SCNN1G: variants seen among roughly 807,000 people sequenced by gnomAD.
SCNN1G encodes epithelial sodium channel subunit gamma.
Under a neutral mutation model 64.6 loss-of-function variants are expected in SCNN1G, and 27 were observed. That is an observed-to-expected ratio of 0.42 (90% CI 0.31 to 0.58). The LOEUF is 0.58. Among genes scored for constraint, SCNN1G ranks in the 20% least tolerant of loss-of-function variants. SCNN1G has a pLI of 0.18. For synonymous variants in SCNN1G, 330 were observed against 314.2 expected, an observed-to-expected ratio of 1.05 and a Z score of -0.53; for missense variants, 743 against 823.4, an observed-to-expected ratio of 0.90 and a Z score of 1.19.
intron 6 of SCNN1G, among the ~76,000 whole-genome samples, chr16:23,204,312 T>G (rs1214995851): frequency 3.8e-5 from 3 of 79,896 alleles, no homozygotes; most frequent in Non-Finnish European, 5.1e-5. Flanking sequence ...TATATATATA[T>G]ATATATATAT....
intron 1 of SCNN1G, among the ~76,000 whole-genome samples, chr16:23,185,658 C>T (rs1225067405): frequency 6.6e-6 from 1 of 152,144 alleles, no homozygotes; most frequent in Non-Finnish European, 1.5e-5. Flanking sequence ...TATAATAAAG[C>T]CTCAGAGAAA....
chr16:23,214,732 T>A lies in SCNN1G; in HGVS notation c.1514T>A (p.Leu505Ter). Residue 505 changes from leucine to a stop codon, truncating the protein, a stop_gained, in exon 12 of 13, where the codon TTG (leucine) becomes TAG (stop). Transcript: ENST00000300061. LOFTEE classifies it high-confidence loss of function. Reference sequence around the variant, plus strand: ...TGCAGGACAGACTTGGCCAAACTCTTGATATTCTACAAAGACCTGAACCAG... The same window carrying A: ...TGCAGGACAGACTTGGCCAAACTCTAGATATTCTACAAAGACCTGAACCAG... The part of the protein sequence containing the change: ...KLNKTDLAKL[L>*]IFYKDLNQRS... 6.2e-7 allele frequency: 1 copy of A among 1,613,820 alleles called. No homozygotes were observed. Among genetic ancestry groups the A allele is most frequent in the Non-Finnish European group, 8.5e-7 (1 of 1,179,718 alleles).
intron 1 of SCNN1G, among the ~76,000 whole-genome samples, chr16:23,184,795 T>C (rs1424960750): frequency 1.3e-5 from 2 of 152,200 alleles, no homozygotes; most frequent in Non-Finnish European, 2.9e-5. Context: ...CTAAAAATCT[T>C]GATGGGGCAC....
chr16:23,207,412 T>C (rs557625626), intron 6 of SCNN1G, among the ~76,000 whole-genome samples: 47 of 152,366 alleles, frequency 3.1e-4, no homozygotes, highest in African/African-American at 9.6e-4. Context: ...GCTTAGAGGA[T>C]GGCAAGGAAT....
At chr16:23,183,637 C>A (rs887008534) in intron 1 of SCNN1G, among the ~76,000 whole-genome samples, 1 of 152,146 alleles carries the variant, frequency 6.6e-6, no homozygotes, top group Non-Finnish European at 1.5e-5. Context: ...GGCAAATTAC[C>A]TAACCTCTGT....
In SCNN1G at chr16:23,186,488, C is replaced by T; in HGVS notation, c.217C>T (p.Leu73Phe). 2 of 1,614,148 alleles carry T rather than the reference C, an allele frequency of 1.2e-6. No homozygotes were observed. Among genetic ancestry groups the T allele is most frequent in the South Asian group, 2.2e-5 (2 of 91,084 alleles). ...GGCCCTCATCCTCTGGCAGTGCGCC[C>T]TCCTCGTCTTCTCCTTCTATACTGT... ...AVALILWQCA[L>F]LVFSFYTVSV... The change falls in exon 2 of 13, where the codon CTC becomes TTC. Residue 73 changes from leucine (L) to phenylalanine (F), a missense_variant. Physicochemically the swap from Leu to Phe is conservative, Grantham distance 22 (BLOSUM62 0). Transcript: ENST00000300061.
chr16:23,199,294 T>C (rs1213588227), intron 6 of SCNN1G, among the ~76,000 whole-genome samples: 1 of 152,220 alleles, frequency 6.6e-6, no homozygotes, highest in Admixed American at 6.5e-5. Context: ...TCAAAACATA[T>C]AGATCTGCAT....
At position 23,215,535 on chromosome 16, in the gene SCNN1G, C is replaced by T; in HGVS notation, c.*66C>T. 6.3e-7 allele frequency: 1 copy of T among 1,576,456 alleles called. No individual in the cohort carries two copies. The highest frequency in any genetic ancestry group is 8.6e-7 in the Non-Finnish European group (1 of 1,158,890). On this transcript the variant is annotated 3_prime_UTR_variant, in exon 13 of 13. Transcript: ENST00000300061. The stretch of plus-strand genomic sequence containing the variant: ...ATGGTCTAAGGACATGGATCGGGTG[C>T]CCCCAGACGTGTGCACAGGGGACCC...
At chr16:23,197,544 C>A in intron 6 of SCNN1G, 117 bp downstream of exon 6, 2 of 878,498 alleles carry the variant, frequency 2.3e-6, no homozygotes, top group Non-Finnish European at 3.7e-6. Flanking sequence ...GGAACATGGT[C>A]CCAGATTTTC....
intron 11 of SCNN1G, 50 bp downstream of exon 11, chr16:23,213,213 G>C (rs751888910): frequency 7.8e-7 from 1 of 1,280,950 alleles, no homozygotes; most frequent in Non-Finnish European, 1.1e-6. Context: ...ACAGCCCCCA[G>C]CCTTCTCACT....
rs1036414531 is a variant in SCNN1G at position 23,186,438 on chromosome 16, G to C, written c.167G>C (p.Trp56Ser). Reference sequence around the variant, plus strand: ...CGCGGCCGTCTGCGCCGCCTCCTCTGGATCGGGTTCACACTGACTGCCGTG... The same window carrying C: ...CGCGGCCGTCTGCGCCGCCTCCTCTCGATCGGGTTCACACTGACTGCCGTG... ...VSRGRLRRLL[W>S]IGFTLTAVAL... Residue 56 changes from tryptophan to serine, a missense_variant, in exon 2 of 13, where the codon TGG (tryptophan) becomes TCG (serine). Trp to Ser is a radical substitution (Grantham distance 177). Transcript: ENST00000300061. 6.2e-7 allele frequency: 1 copy of C among 1,614,090 alleles called. No homozygotes were observed. The highest frequency in any genetic ancestry group is 8.5e-7 in the Non-Finnish European group (1 of 1,180,060).
intron 6 of SCNN1G, among the ~76,000 whole-genome samples, chr16:23,201,505 A>G (rs2141937428): frequency 6.8e-6 from 1 of 146,128 alleles, no homozygotes; most frequent in Admixed American, 7.2e-5. Flanking sequence ...TCTAGGTCTG[A>G]TTTATGAGCA....
chr16:23,211,888 T>C (rs2141944564), intron 7 of SCNN1G, 146 bp from the exon 8 acceptor site: 6 of 741,364 alleles, frequency 8.1e-6, no homozygotes, highest in East Asian at 5.0e-5. Context: ...TCCGGGACCA[T>C]GCCCAGCCCA....
chr16:23,212,658 C>T lies in SCNN1G; in HGVS notation c.1295-20C>T, dbSNP rs1197761825. On this transcript the variant is annotated intron_variant, in intron 8 of 12. Transcript: ENST00000300061. ...TCCTGTGGCTCCAAAGCTCATGCTG[C>T]CCTCTCCCTTGTCCCTCAGTGTATT... 6.2e-7 allele frequency: 1 copy of T among 1,602,552 alleles called. No individual in the cohort carries two copies. The highest frequency in any genetic ancestry group is 1.1e-5 in the South Asian group (1 of 90,858).
chr16:23,198,401 G>A (rs1337530726), intron 6 of SCNN1G, among the ~76,000 whole-genome samples: 1 of 152,078 alleles, frequency 6.6e-6, no homozygotes, highest in Non-Finnish European at 1.5e-5. Context: ...GTATCTATCT[G>A]CCTCTCCCTT....
chr16:23,197,878 C>CA lies in SCNN1G; in HGVS notation c.1077+464dup, dbSNP rs10716781. Among the ~76,000 whole-genome samples the CA allele has an allele frequency of 3.4e-3, 490 of 144,600 alleles. 1 individual carries two copies. The highest frequency in any genetic ancestry group is 7.1e-3 in the Middle Eastern group (2 of 280). 94.9% of individuals were successfully genotyped at this position (144,600 alleles called of 152,430 possible). A position where few individuals can be genotyped will look rare whatever the true frequency, so the allele number is the denominator to read the frequency against. ...CGAGCAACAGAGCAAGACTCCATCTCAAAAAAAAAAAAAGGTTGTATTTGT... is the reference window on the plus strand; with the variant it reads ...CGAGCAACAGAGCAAGACTCCATCTCAAAAAAAAAAAAAAGGTTGTATTTGT... On this transcript the variant is annotated intron_variant, in intron 6 of 12. Transcript: ENST00000300061.
intron 6 of SCNN1G, among the ~76,000 whole-genome samples, chr16:23,198,408 C>T (rs1267965757): frequency 1.3e-5 from 2 of 152,118 alleles, no homozygotes; most frequent in African/African-American, 2.4e-5. Flanking sequence ...TCTGCCTCTC[C>T]CTTTCTCTCT....
intron 3 of SCNN1G, 138 bp from the exon 4 acceptor site, chr16:23,192,214 A>G: frequency 1.3e-6 from 1 of 750,704 alleles, no homozygotes; most frequent in Non-Finnish European, 2.3e-6. Context: ...AAGTGAGAGG[A>G]AACCCATCCT....
chr16:23,193,069 CAAAAAAA>C (rs56318076), intron 4 of SCNN1G, among the ~76,000 whole-genome samples: 26 of 69,130 alleles, frequency 3.8e-4, no homozygotes, highest in African/African-American at 1.1e-3. Context: ...ACTCTTGTCT[CAAAAAAA>C]AAAAAAAAAA....
Sources: gnomAD v4.1 joint callset for allele counts (sites outside exome capture counted in the v4.1 genomes callset) on GRCh38, gnomAD v4.1.1 for gene constraint, MANE v1.5 for transcripts, NCBI Gene and HGNC (gene_info 2026-07-23, HGNC 2026-07-21) for gene names.